The following CDK13 variants were observed in gnomAD, a reference collection of about 807,000 sequenced individuals.
CDK13 encodes cyclin-dependent kinase 13.
A neutral mutation model predicts 137.6 loss-of-function variants in CDK13; 40 were observed. The ratio of observed to expected loss-of-function variants is 0.29; its 90% CI spans 0.23 to 0.38. The LOEUF (loss-of-function observed/expected upper bound fraction) is 0.38. Among genes scored for constraint, CDK13 ranks in the 10% least tolerant of loss-of-function variants. The probability of loss-of-function intolerance (pLI) is 1.00; values close to 1 mark genes in which losing one functional copy is unlikely to be tolerated. For synonymous variants in CDK13, 869 were observed against 760.1 expected, an observed-to-expected ratio of 1.14 and a Z score of -2.36; for missense variants, 1,704 against 1,951.8, an observed-to-expected ratio of 0.87 and a Z score of 2.39.
chr7:39,955,249 A>G (rs1787373163), intron 1 of CDK13, among the ~76,000 whole-genome samples: 1 of 152,182 alleles, frequency 6.6e-6, no homozygotes. Flanking sequence ...ATTGACCACC[A>G]AAATCCATGT....
rs148401937 is a variant in CDK13 at position 40,090,976 on chromosome 7, C to T, written c.3236-1809C>T. Among the ~76,000 whole-genome samples the T allele has an allele frequency of 6.1e-3, 913 of 150,494 alleles. 13 individuals carry two copies. The highest frequency in any genetic ancestry group is 0.021 in the African/African-American group (841 of 40,978). ...CTGTAATCCCAGCACTTTGGGAGGCCGAGGTGGATGGATCACCTGAGGTCA... is the reference window on the plus strand; with the variant it reads ...CTGTAATCCCAGCACTTTGGGAGGCTGAGGTGGATGGATCACCTGAGGTCA... On this transcript the variant is annotated intron_variant, in intron 12 of 13. Coordinates refer to ENST00000181839, the MANE Select transcript of CDK13 (RefSeq NM_003718.5).
At chr7:40,055,448 A>G (rs1311332175) in intron 7 of CDK13, among the ~76,000 whole-genome samples, 1 of 152,104 alleles carries the variant, frequency 6.6e-6, no homozygotes, top group Non-Finnish European at 1.5e-5. Context: ...AAAGCATCGT[A>G]TATGTAGTGT....
At chr7:39,957,090 CGTGTG>C (rs1787430128) in intron 1 of CDK13, among the ~76,000 whole-genome samples, 1 of 140,934 alleles carries the variant, frequency 7.1e-6, no homozygotes, top group Non-Finnish European at 1.5e-5. Context: ...ATCCCACTGT[CGTGTG>C]TGTGTGTGTG....
At chr7:40,093,427 T>C (rs1786971394) in intron 13 of CDK13, among the ~76,000 whole-genome samples, 190 bp downstream of exon 13, 1 of 152,206 alleles carries the variant, frequency 6.6e-6, no homozygotes, top group African/African-American at 2.4e-5. Flanking sequence ...AAATTATCCA[T>C]GTGAGATAGA....
intron 2 of CDK13, among the ~76,000 whole-genome samples, chr7:39,992,655 A>G (rs183673362): frequency 6.6e-6 from 1 of 151,936 alleles, no homozygotes; most frequent in East Asian, 1.9e-4. Context: ...TATATAATCA[A>G]TAATCAGTAC....
At chr7:40,021,154 A>ACACACACACAG (rs1562733257) in intron 5 of CDK13, among the ~76,000 whole-genome samples, 1 of 111,928 alleles carries the variant, frequency 8.9e-6, no homozygotes, top group Non-Finnish European at 2.0e-5. Context: ...CACACACATA[A>ACACACACACAG]AGTTTTAAGT....
intron 11 of CDK13, 70 bp downstream of exon 11, chr7:40,078,921 A>G: frequency 1.9e-6 from 1 of 531,730 alleles, no homozygotes; most frequent in Non-Finnish European, 2.6e-6. Context: ...CAGTTTTAAT[A>G]ACATATATAA....
chr7:40,016,238 TG>T (rs920200163), intron 5 of CDK13, among the ~76,000 whole-genome samples: 1 of 152,196 alleles, frequency 6.6e-6, no homozygotes, highest in African/African-American at 2.4e-5. Context: ...ACAATGAGGC[TG>T]GGGGATTGTT....
At chr7:40,088,355 G>A (rs777630611) in intron 12 of CDK13, 24 bp downstream of exon 12, 9 of 1,576,228 alleles carry the variant, frequency 5.7e-6, no homozygotes, top group Non-Finnish European at 7.8e-6. Context: ...CCATGGGTTG[G>A]TTTTCTTCAC....
intron 5 of CDK13, among the ~76,000 whole-genome samples, chr7:40,030,506 C>T (rs1367217484): frequency 7.1e-6 from 1 of 141,264 alleles, no homozygotes; most frequent in Non-Finnish European, 1.5e-5. Flanking sequence ...CATTTCAGCT[C>T]ACTGCAACCT....
At chr7:39,962,649 C>T (rs893878353) in intron 1 of CDK13, among the ~76,000 whole-genome samples, 13 of 152,072 alleles carry the variant, frequency 8.5e-5, no homozygotes, top group East Asian at 1.9e-4. Context: ...AGATCCCGTT[C>T]GTCAATTTTG....
At chr7:39,989,504 T>A (rs1211007396) in intron 2 of CDK13, among the ~76,000 whole-genome samples, 1 of 152,142 alleles carries the variant, frequency 6.6e-6, no homozygotes, top group Non-Finnish European at 1.5e-5. Context: ...CAAACAAAAG[T>A]GAAATAATAA....
At position 40,081,855 on chromosome 7, in the gene CDK13, G is replaced by A. The variant is rs189439157; in HGVS notation, c.3029+3004G>A. On this transcript the variant is annotated intron_variant, in intron 11 of 13. Transcript: ENST00000181839. ...TCGAACTCCAGACCTCAGGTGATCC[G>A]CCTGCCTTGGCCTCCCAAAGTGCTG... Among the ~76,000 whole-genome samples, 240 of 152,060 alleles carry A rather than the reference G, an allele frequency of 1.6e-3. 3 individuals carry two copies. Among genetic ancestry groups the A allele is most frequent in the African/African-American group, 5.5e-3 (229 of 41,498 alleles).
chr7:40,021,136 C>CACACAT (rs1785113924), intron 5 of CDK13, among the ~76,000 whole-genome samples: 1 of 150,224 alleles, frequency 6.7e-6, no homozygotes, highest in Non-Finnish European at 1.5e-5. Context: ...CACACACACA[C>CACACAT]ACACACACAC....
rs1314611921 is a variant in CDK13, at chr7:39,988,074, A to G, written c.1687A>G (p.Ile563Val). 1 of 1,614,078 alleles carries G rather than the reference A, an allele frequency of 6.2e-7. No individual in the cohort carries two copies. The highest frequency in any genetic ancestry group is 1.3e-5 in the African/African-American group (1 of 74,936). The change falls in exon 2 of 14, where the codon ATA becomes GTA. Residue 563 changes from isoleucine to valine, a missense_variant. Ile to Val is a conservative substitution (Grantham distance 29). Around this residue, in one of 5 missense-constraint regions of CDK13, gnomAD observed 1,051 missense variants for 931.0 expected, o/e 1.13. Coordinates refer to ENST00000181839, the MANE Select transcript of CDK13 (RefSeq NM_003718.5). ...IVDKATKKAV[I>V]VGKESKSAAT... ...AGATAAAGCCACCAAGAAAGCAGTC[A>G]TAGTTGGAAAGGAGAGTAAATCTGC...
intron 2 of CDK13, among the ~76,000 whole-genome samples, chr7:39,997,056 A>G (rs1224747841): frequency 6.6e-6 from 1 of 151,560 alleles, no homozygotes; most frequent in Non-Finnish European, 1.5e-5. Context: ...TTTAATGTAC[A>G]GTTTTATAGT....
chr7:39,995,727 G>T (rs1196825043), intron 2 of CDK13, among the ~76,000 whole-genome samples: 1 of 152,172 alleles, frequency 6.6e-6, no homozygotes, highest in East Asian at 1.9e-4. Context: ...AAAACTGCAG[G>T]CCTGGCATGG....
At chr7:40,055,539 C>T (rs1463200611) in intron 7 of CDK13, among the ~76,000 whole-genome samples, 4 of 150,186 alleles carry the variant, frequency 2.7e-5, no homozygotes, top group Non-Finnish European at 4.4e-5. Context: ...AATCTAATAG[C>T]GCAAGTTTGA....
rs1787205795 is a variant in CDK13, at chr7:39,951,562, T to TAA, written c.922_923dup (p.Ala309ArgfsTer28). The TAA allele has an allele frequency of 6.5e-7, 1 of 1,531,986 alleles. No individual in the cohort carries two copies. 94.9% of individuals were successfully genotyped at this position (1,531,986 alleles called of 1,614,324 possible). A position where few individuals can be genotyped will look rare whatever the true frequency, so the allele number is the denominator to read the frequency against. ...CCTACCGGGAGGACAAGACCGAGCC[T>TAA]AAGGCCTACAGGCGGCGGCGGTCCC... is the stretch of plus-strand genomic sequence containing the variant. On this transcript the variant is annotated frameshift_variant, in exon 1 of 14. Transcript: ENST00000181839. LOFTEE classifies it high-confidence loss of function.
Sources: allele counts gnomAD v4.1 joint callset (sites outside exome capture counted in the v4.1 genomes callset), GRCh38; gene constraint gnomAD v4.1.1; regional missense constraint gnomAD v4.1.1; transcripts MANE v1.5; gene names NCBI Gene and HGNC (gene_info 2026-07-23, HGNC 2026-07-21).